Variants in LARP4 observed in about 807,000 individuals in gnomAD.
LARP4 encodes the protein La ribonucleoprotein 4.
Under a neutral mutation model 92.9 loss-of-function variants are expected in LARP4, and 29 were observed. That is an observed-to-expected ratio of 0.31 (90% CI 0.23 to 0.43). LARP4 has a LOEUF of 0.43. Ranked by LOEUF, LARP4 falls within the 20% of genes least tolerant of loss-of-function variation. The pLI is 1.00. For synonymous variants in LARP4, 279 were observed against 284.1 expected (o/e 0.98, Z 0.18); for missense variants, 732 against 860.0 (o/e 0.85, Z 1.86).
intron 8 of LARP4, among the ~76,000 whole-genome samples, chr12:50,453,071 C>T (rs4768878): frequency 0.71 from 106,584 of 150,000 alleles, 43,891 homozygotes; most frequent in Non-Finnish European, 0.93. Flanking sequence ...CCACCATGCC[C>T]AGCTTTTTTT....
At chr12:50,455,316 C>T (rs1243197864) in intron 10 of LARP4, among the ~76,000 whole-genome samples, 1 of 152,146 alleles carries the variant, frequency 6.6e-6, no homozygotes, top group African/African-American at 2.4e-5. Context: ...AGTCCTCCCA[C>T]CTTGGCCTCC....
intron 8 of LARP4, among the ~76,000 whole-genome samples, chr12:50,448,211 C>A (rs1017442562): frequency 6.6e-6 from 1 of 152,074 alleles, no homozygotes; most frequent in Admixed American, 6.6e-5. Flanking sequence ...TACAATATAC[C>A]ATCTTAATTG....
intron 1 of LARP4, chr12:50,402,941 G>C: frequency 2.6e-6 from 1 of 380,022 alleles, no homozygotes; most frequent in Middle Eastern, 5.7e-4. Flanking sequence ...AAAATTAACT[G>C]TCTTTAAATA....
At chr12:50,426,969 C>T (rs1469412980) in intron 1 of LARP4, among the ~76,000 whole-genome samples, 1 of 151,938 alleles carries the variant, frequency 6.6e-6, no homozygotes, top group Non-Finnish European at 1.5e-5. Flanking sequence ...AACTCATGAG[C>T]TCAAGTGATC....
Position 50,475,698 on chromosome 12 carries a change from C to G in LARP4, c.2009C>G (p.Ala670Gly), listed in dbSNP as rs1287381421. 6.2e-7 allele frequency: 1 copy of G among 1,613,936 alleles called. No homozygotes were observed. Among genetic ancestry groups the G allele is most frequent in the African/African-American group, 1.3e-5 (1 of 74,868 alleles). Residue 670 changes from alanine (A) to glycine (G), a missense_variant, in exon 16 of 16, where the codon GCA (alanine) becomes GGA (glycine). Around this residue, in one of 7 missense-constraint regions of LARP4, gnomAD observed 115 missense variants for 129.1 expected, o/e 0.89. Transcript: ENST00000398473. ...GAGAAACCACATGAGAAGCCAGAAG[C>G]AAGGGCTAGTAAGGATTATTCTGGC... ...SVEKPHEKPE[A>G]RASKDYSGFR...
chr12:50,438,881 A>T (rs925315023), intron 6 of LARP4, among the ~76,000 whole-genome samples: 1 of 152,240 alleles, frequency 6.6e-6, no homozygotes, highest in Non-Finnish European at 1.5e-5. Flanking sequence ...ACATTAAAGA[A>T]GATGAGGATA....
chr12:50,443,174 A>G (rs1340777013), intron 8 of LARP4, among the ~76,000 whole-genome samples: 1 of 152,156 alleles, frequency 6.6e-6, no homozygotes, highest in Non-Finnish European at 1.5e-5. Context: ...TGTCATTTCT[A>G]TTCTTCTGCA....
At chr12:50,435,994 G>C (rs1024006204) in intron 5 of LARP4, among the ~76,000 whole-genome samples, 1 of 37,620 alleles carries the variant, frequency 2.7e-5, no homozygotes, top group Non-Finnish European at 1.7e-4. Flanking sequence ...CCCCAGGCTG[G>C]TCTTTGTTCT....
In LARP4 at chr12:50,453,548, A is replaced by T; in HGVS notation, c.893A>T (p.Gln298Leu). The T allele has an allele frequency of 6.2e-7, 1 of 1,612,156 alleles. No individual in the cohort carries two copies. Among genetic ancestry groups the T allele is most frequent in the Non-Finnish European group, 8.5e-7 (1 of 1,178,258 alleles). Residue 298 changes from glutamine to leucine, a missense_variant, in exon 9 of 16, where the codon CAA (glutamine) becomes CTA (leucine). Gln to Leu is a moderately radical substitution (Grantham distance 113). Coordinates refer to ENST00000398473, the MANE Select transcript of LARP4 (RefSeq NM_052879.5). The stretch of plus-strand genomic sequence containing the variant: ...ATCTATAGTCACCCCATTCAAACTC[A>T]AGCACAGTATGCCTCCCCAGTCTTT... ...SSIYSHPIQTQAQYASPVFMQ... is the reference protein window; with the variant it reads ...SSIYSHPIQTLAQYASPVFMQ...
chr12:50,423,092 T>A (rs1203728080), intron 1 of LARP4, among the ~76,000 whole-genome samples: 1 of 152,012 alleles, frequency 6.6e-6, no homozygotes, highest in Non-Finnish European at 1.5e-5. Context: ...AGTGTTGGGA[T>A]TACAGGCGTG....
intron 6 of LARP4, among the ~76,000 whole-genome samples, chr12:50,440,010 A>G (rs1271013671): frequency 6.6e-6 from 1 of 152,264 alleles, no homozygotes. Context: ...TTAATGAAAG[A>G]TATCACTTGT....
intron 13 of LARP4, among the ~76,000 whole-genome samples, chr12:50,471,643 C>A (rs1956944963): frequency 6.6e-6 from 1 of 152,148 alleles, no homozygotes; most frequent in South Asian, 2.1e-4. Context: ...TGTGCCTCAG[C>A]CTCCTGAATG....
chr12:50,479,660 A>G lies in LARP4; in HGVS notation c.*3796A>G, dbSNP rs1330547583. Reference sequence around the variant, plus strand: ...TTGACAGTTCCTAAAAGCGTAACTCAGATATTAATGGGCTGTGTATTAAAT... The same window carrying G: ...TTGACAGTTCCTAAAAGCGTAACTCGGATATTAATGGGCTGTGTATTAAAT... On this transcript the variant is annotated 3_prime_UTR_variant, in exon 16 of 16. Transcript: ENST00000398473. The G allele has an allele frequency of 1.3e-5, 2 of 152,234 alleles. No homozygotes were observed. The highest frequency in any genetic ancestry group is 4.8e-5 in the African/African-American group (2 of 41,452). 9.4% of individuals were successfully genotyped at this position (152,234 alleles called of 1,614,324 possible).
chr12:50,403,205 G>A (rs553173081), intron 1 of LARP4, among the ~76,000 whole-genome samples: 53 of 152,294 alleles, frequency 3.5e-4, no homozygotes, highest in Non-Finnish European at 6.8e-4. Context: ...TAAGTCAAAG[G>A]TTCTTAATCT....
intron 4 of LARP4, among the ~76,000 whole-genome samples, chr12:50,433,369 G>A (rs1216100440): frequency 6.7e-6 from 1 of 149,720 alleles, no homozygotes; most frequent in Admixed American, 6.8e-5. Context: ...TCAGGACTGT[G>A]ATATAGTTCG....
chr12:50,456,267 T>C (rs1954223314), intron 10 of LARP4, among the ~76,000 whole-genome samples: 1 of 152,180 alleles, frequency 6.6e-6, no homozygotes, highest in Non-Finnish European at 1.5e-5. Context: ...TGAAAATACA[T>C]GGTGTGTTTA....
chr12:50,477,103 C>G lies in LARP4; in HGVS notation c.*1239C>G, dbSNP rs1169785464. Reference sequence around the variant, plus strand: ...CCTTCCTTCCCTCCTCTTCTCCCCCCACACCCAACAAAATACAGTTTGGAA... The same window carrying G: ...CCTTCCTTCCCTCCTCTTCTCCCCCGACACCCAACAAAATACAGTTTGGAA... On this transcript the variant is annotated 3_prime_UTR_variant, in exon 16 of 16. Transcript: ENST00000398473. 1.3e-5 allele frequency: 2 copies of G among 152,500 alleles called. No individual in the cohort carries two copies. The highest frequency in any genetic ancestry group is 1.9e-4 in the East Asian group (1 of 5,194). 9.4% of individuals were successfully genotyped at this position (152,500 alleles called of 1,614,324 possible).
At chr12:50,431,888 C>A (rs983803293) in intron 4 of LARP4, among the ~76,000 whole-genome samples, 1 of 152,026 alleles carries the variant, frequency 6.6e-6, no homozygotes, top group Admixed American at 6.6e-5. Context: ...TTACTTTAGC[C>A]TGTACTTTGG....
rs945520608 is a variant in LARP4 at position 50,436,139 on chromosome 12, G to A, written c.535+515G>A. 1.1e-4 allele frequency among the ~76,000 whole-genome samples: 15 copies of A among 139,312 alleles called. 1 individual carries two copies. Among genetic ancestry groups the A allele is most frequent in the African/African-American group, 2.5e-4 (9 of 35,496 alleles). The allele number at this position is 139,312 out of a possible 152,430, so 91.4% of individuals were successfully genotyped here. A position where few individuals can be genotyped will look rare whatever the true frequency, so the allele number is the denominator to read the frequency against. ...GTGTGTGATATGTGTGTGTGTGTGT[G>A]TATATATCCCGCTGGGGTGTGTGTG... On this transcript the variant is annotated intron_variant, in intron 5 of 15. Coordinates refer to ENST00000398473, the MANE Select transcript of LARP4 (RefSeq NM_052879.5).
Sources: allele counts gnomAD v4.1 joint callset (sites outside exome capture counted in the v4.1 genomes callset), GRCh38; gene constraint gnomAD v4.1.1; regional missense constraint gnomAD v4.1.1; transcripts MANE v1.5; gene names NCBI Gene and HGNC (gene_info 2026-07-23, HGNC 2026-07-21).